SULT4A1: variants seen among roughly 807,000 people sequenced by gnomAD.
The protein encoded by SULT4A1 is sulfotransferase family 4A member 1.
SULT4A1 carries 11 observed loss-of-function variants against 35.2 expected under a neutral mutation model. The ratio of observed to expected loss-of-function variants is 0.31; its 90% CI spans 0.20 to 0.52. The LOEUF (loss-of-function observed/expected upper bound fraction) is 0.52, where lower values mean the gene tolerates loss of function less well. Among genes scored for constraint, SULT4A1 ranks in the 20% least tolerant of loss-of-function variants. The pLI, the probability that SULT4A1 is intolerant of heterozygous loss-of-function variation, is 0.97. For synonymous variants in SULT4A1, 152 were observed against 151.8 expected (o/e 1.00, Z -0.01); for missense variants, 271 against 383.7 (o/e 0.71, Z 2.45).
intron 4 of SULT4A1, among the ~76,000 whole-genome samples, chr22:43,834,123 A>G (rs955313022): frequency 2.0e-5 from 3 of 152,180 alleles, no homozygotes; most frequent in Admixed American, 2.0e-4. Context: ...GGGGTATAGG[A>G]AGCTGTAGGA....
chr22:43,845,700 G>A (rs1243910092), intron 1 of SULT4A1, among the ~76,000 whole-genome samples: 1 of 152,180 alleles, frequency 6.6e-6, no homozygotes, highest in Non-Finnish European at 1.5e-5. Context: ...AGACGCACAG[G>A]AGGAGGCGAG....
Position 43,838,619 on chromosome 22 carries a change from G to A in SULT4A1, c.508+248C>T, listed in dbSNP as rs142548375. Among the ~76,000 whole-genome samples, 416 of 152,332 alleles carry A rather than the reference G, an allele frequency of 2.7e-3. 3 individuals are homozygous for A. Among genetic ancestry groups the A allele is most frequent in the Middle Eastern group, 0.02 (6 of 294 alleles). On this transcript the variant is annotated intron_variant, in intron 4 of 6. Coordinates refer to ENST00000330884, the MANE Select transcript of SULT4A1 (RefSeq NM_014351.4). ...AACTGGGGAACTTCTCAGACACCCCGACAGTGTGGTAGAAGAGAAGGGCTC... is the reference window on the plus strand; with the variant it reads ...AACTGGGGAACTTCTCAGACACCCCAACAGTGTGGTAGAAGAGAAGGGCTC...
At chr22:43,855,200 C>T (rs983270432) in intron 1 of SULT4A1, among the ~76,000 whole-genome samples, 41 of 152,188 alleles carry the variant, frequency 2.7e-4, no homozygotes, top group African/African-American at 9.4e-4. Flanking sequence ...GAGGTGGCAG[C>T]GCAGGGAGAT....
In SULT4A1 at chr22:43,862,346, C is replaced by G. The variant is rs1224237248; in HGVS notation, c.37G>C (p.Gly13Arg). ...TCGAAGTACTTGCTCTCGAACTCCC[C>G]CGGGGTGCTGGGGGTCTCGGCCTCG... ...ESEAETPSTP[G>R]EFESKYFEFH... is the part of the protein sequence containing the mutation. The change falls in exon 1 of 7, where the codon GGG (glycine) becomes CGG (arginine). Residue 13 changes from glycine to arginine, a missense_variant. By Grantham distance (125) the Gly-to-Arg change is moderately radical (BLOSUM62 -2). Coordinates refer to ENST00000330884, the MANE Select transcript of SULT4A1 (RefSeq NM_014351.4). 1 of 1,533,714 alleles carries G rather than the reference C, an allele frequency of 6.5e-7. No homozygotes were observed. The highest frequency in any genetic ancestry group is 8.8e-7 in the Non-Finnish European group (1 of 1,137,260).
chr22:43,845,528 G>A (rs1412653892), intron 1 of SULT4A1, among the ~76,000 whole-genome samples: 1 of 151,574 alleles, frequency 6.6e-6, no homozygotes, highest in Non-Finnish European at 1.5e-5. Flanking sequence ...GCCGTCGGGT[G>A]TGTCCAGAGC....
chr22:43,856,707 T>G (rs1376302987), intron 1 of SULT4A1, among the ~76,000 whole-genome samples: 1 of 152,158 alleles, frequency 6.6e-6, no homozygotes, highest in Non-Finnish European at 1.5e-5. Flanking sequence ...GCCCCTCCAC[T>G]GAACGCAAGC....
At chr22:43,852,820 G>A (rs1261094552) in intron 1 of SULT4A1, among the ~76,000 whole-genome samples, 2 of 150,784 alleles carry the variant, frequency 1.3e-5, no homozygotes. Context: ...ACCAGCTGAG[G>A]ACATGCTGAC....
chr22:43,842,037 G>C (rs558126825), intron 1 of SULT4A1, 105 bp from the exon 2 acceptor site: 4 of 1,469,368 alleles, frequency 2.7e-6, no homozygotes, highest in Non-Finnish European at 2.7e-6. Context: ...AAGAGCCCCA[G>C]GTGGGGCCCA....
chr22:43,839,495 G>A (rs1342458327), intron 3 of SULT4A1, among the ~76,000 whole-genome samples: 4 of 152,218 alleles, frequency 2.6e-5, no homozygotes, highest in Non-Finnish European at 1.5e-5. Flanking sequence ...TCAGGAGGCT[G>A]AGGCAGGAGA....
rs117860921 is a variant in SULT4A1 at position 43,843,690 on chromosome 22, G to A, written c.170-1758C>T. On this transcript the variant is annotated intron_variant, in intron 1 of 6. Transcript: ENST00000330884. ...GCTGAACACATGGGGGTTCCTGGAG[G>A]GTGGCTTGCCCAGAGAGGGCATGGA... 4.7e-3 allele frequency among the ~76,000 whole-genome samples: 718 copies of A among 152,344 alleles called. 3 individuals carry two copies. Among genetic ancestry groups the A allele is most frequent in the Admixed American group, 8.0e-3 (122 of 15,310 alleles).
At chr22:43,827,414 T>A in intron 6 of SULT4A1, 1 of 1,189,576 alleles carries the variant, frequency 8.4e-7, no homozygotes, top group Non-Finnish European at 1.1e-6. Context: ...TAATGATACC[T>A]AAGGGGCAAA....
At chr22:43,839,354 G>C (rs1191740296) in intron 3 of SULT4A1, among the ~76,000 whole-genome samples, 3 of 152,246 alleles carry the variant, frequency 2.0e-5, no homozygotes, top group Non-Finnish European at 4.4e-5. Context: ...AGCACTTTGG[G>C]AGGCCGAGGT....
At chr22:43,843,136 T>C (rs2063447425) in intron 1 of SULT4A1, among the ~76,000 whole-genome samples, 1 of 152,156 alleles carries the variant, frequency 6.6e-6, no homozygotes, top group African/African-American at 2.4e-5. Flanking sequence ...CTCTCTGGGC[T>C]GGGCACAGTT....
chr22:43,862,502 C>G lies in SULT4A1; in HGVS notation c.-120G>C. On this transcript the variant is annotated 5_prime_UTR_variant, in exon 1 of 7. Transcript: ENST00000330884. ...CCCCACCGGCGCGCGGCGGCAGCTC[C>G]GCAGGCGTGACGTCATGGCGCCGCC... The G allele has an allele frequency of 1.1e-6, 1 of 920,796 alleles. No individual in the cohort carries two copies. Among genetic ancestry groups the G allele is most frequent in the African/African-American group, 1.8e-5 (1 of 55,172 alleles). 57.0% of individuals were successfully genotyped at this position (920,796 alleles called of 1,614,324 possible).
intron 1 of SULT4A1, among the ~76,000 whole-genome samples, chr22:43,860,109 G>T (rs1030518899): frequency 6.6e-6 from 1 of 152,200 alleles, no homozygotes; most frequent in East Asian, 1.9e-4. Context: ...GGTGGGAAGG[G>T]GCTGACAAGG....
chr22:43,829,939 C>T (rs1001062823), intron 5 of SULT4A1, among the ~76,000 whole-genome samples: 4 of 152,372 alleles, frequency 2.6e-5, no homozygotes, highest in Non-Finnish European at 4.4e-5. Context: ...AAAAGTCCTA[C>T]AGTGAAAAGA....
chr22:43,846,688 T>C (rs1466319865), intron 1 of SULT4A1, among the ~76,000 whole-genome samples: 1 of 152,252 alleles, frequency 6.6e-6, no homozygotes, highest in Non-Finnish European at 1.5e-5. Flanking sequence ...ACCATCCTCA[T>C]GGCAGACGAG....
intron 5 of SULT4A1, among the ~76,000 whole-genome samples, chr22:43,830,379 G>A (rs1400046628): frequency 6.6e-6 from 1 of 152,250 alleles, no homozygotes; most frequent in African/African-American, 2.4e-5. Context: ...AGCTCACTGC[G>A]GCGTGACGTC....
chr22:43,834,162 C>T (rs1366821979), intron 4 of SULT4A1, among the ~76,000 whole-genome samples: 2 of 152,146 alleles, frequency 1.3e-5, no homozygotes, highest in Non-Finnish European at 2.9e-5. Flanking sequence ...CCCTGCTGGG[C>T]AAGAGGGCGA....
Sources: gnomAD v4.1 joint callset for allele counts (sites outside exome capture counted in the v4.1 genomes callset) on GRCh38, gnomAD v4.1.1 for gene constraint, MANE v1.5 for transcripts, NCBI Gene and HGNC (gene_info 2026-07-23, HGNC 2026-07-21) for gene names.